Variants in AMPH observed in about 807,000 individuals in gnomAD.
AMPH encodes amphiphysin.
A neutral mutation model predicts 99.1 loss-of-function variants in AMPH; 49 were observed. That is an observed-to-expected ratio of 0.49 (90% CI 0.39 to 0.63). The LOEUF (loss-of-function observed/expected upper bound fraction) is 0.63. Ranked by LOEUF, AMPH falls within the 20% of genes least tolerant of loss-of-function variation. The pLI, the probability that AMPH is intolerant of heterozygous loss-of-function variation, is 0.00. For missense variants in AMPH, 759 were observed against 863.4 expected, an observed-to-expected ratio of 0.88 and a Z score of 1.52; for synonymous variants, 314 against 317.3, an observed-to-expected ratio of 0.99 and a Z score of 0.11.
intron 5 of AMPH, among the ~76,000 whole-genome samples, chr7:38,478,704 G>C (rs1167316264): frequency 1.3e-5 from 2 of 152,104 alleles, no homozygotes; most frequent in Non-Finnish European, 2.9e-5. Context: ...AAAGTATCTA[G>C]TTTGAAAAAG....
chr7:38,623,601 AAT>A (rs2129071427), intron 1 of AMPH, among the ~76,000 whole-genome samples: 1 of 152,336 alleles, frequency 6.6e-6, no homozygotes, highest in African/African-American at 2.4e-5. Context: ...GAGAAACCCC[AAT>A]ATGTCTCAGA....
rs5883648 is a variant in AMPH at position 38,416,102 on chromosome 7, A to AATATATAT, written c.1398+1715_1398+1722dup. Among the ~76,000 whole-genome samples, 466 of 100,506 alleles carry AATATATAT rather than the reference A, an allele frequency of 4.6e-3. 32 individuals carry two copies. The highest frequency in any genetic ancestry group is 9.8e-3 in the African/African-American group (272 of 27,872). The allele number at this position is 100,506 out of a possible 152,430, so 65.9% of individuals were successfully genotyped here. On this transcript the variant is annotated intron_variant, in intron 17 of 20. Transcript: ENST00000356264. ...AGTTTAAACAATGATCAAACATATGAATATATATATATATATATATATATT... is the reference window on the plus strand; with the variant it reads ...AGTTTAAACAATGATCAAACATATGAATATATATATATATATATATATATATATATATT...
Position 38,391,841 on chromosome 7 carries a change from C to T in AMPH, c.1785G>A (p.Gln595=), listed in dbSNP as rs1459450099. Reference sequence around the variant, plus strand: ...CCATGGCTGGTGCAGAAGGCGTGGGCTGAGGGTCCTGGATAGGCTTCTGCT... The same window carrying T: ...CCATGGCTGGTGCAGAAGGCGTGGGTTGAGGGTCCTGGATAGGCTTCTGCT... The part of the protein sequence containing the change: ...ATEQKPIQDP[Q]PTPSAPAMGA... Residue 595 remains glutamine (Q), a synonymous_variant, in exon 19 of 21, where the codon CAG becomes CAA. Transcript: ENST00000356264. The T allele has an allele frequency of 1.9e-6, 3 of 1,613,240 alleles. No homozygotes were observed. The highest frequency in any genetic ancestry group is 1.7e-4 in the Middle Eastern group (1 of 5,878).
At chr7:38,603,452 C>T (rs908137804) in intron 1 of AMPH, among the ~76,000 whole-genome samples, 5 of 152,154 alleles carry the variant, frequency 3.3e-5, no homozygotes, top group African/African-American at 1.2e-4. Flanking sequence ...CATGAACCAG[C>T]TTTGAAATGC....
chr7:38,551,492 T>G (rs1157053567), intron 1 of AMPH, among the ~76,000 whole-genome samples: 1 of 152,188 alleles, frequency 6.6e-6, no homozygotes, highest in Admixed American at 6.5e-5. Flanking sequence ...CCTCCTCACC[T>G]CCTATTAGGA....
At chr7:38,514,728 C>G (rs947179663) in intron 2 of AMPH, among the ~76,000 whole-genome samples, 2 of 152,206 alleles carry the variant, frequency 1.3e-5, no homozygotes, top group African/African-American at 4.8e-5. Flanking sequence ...TGAGCAGATG[C>G]TGATGCCACG....
intron 1 of AMPH, among the ~76,000 whole-genome samples, chr7:38,614,880 G>T (rs778780166): frequency 3.9e-5 from 6 of 152,008 alleles, no homozygotes; most frequent in Non-Finnish European, 7.4e-5. Context: ...CCCACTTTAG[G>T]AAAGTCCAGT....
At chr7:38,390,318 T>C (rs1784452453) in intron 19 of AMPH, among the ~76,000 whole-genome samples, 1 of 152,202 alleles carries the variant, frequency 6.6e-6, no homozygotes, top group African/African-American at 2.4e-5. Flanking sequence ...TACTACTAAA[T>C]AAAACTCTGT....
chr7:38,487,619 A>G (rs1384908997), intron 5 of AMPH, among the ~76,000 whole-genome samples: 1 of 152,174 alleles, frequency 6.6e-6, no homozygotes, highest in East Asian at 1.9e-4. Flanking sequence ...ATGGGCAAAG[A>G]CTGCACGACT....
intron 17 of AMPH, among the ~76,000 whole-genome samples, chr7:38,407,285 A>G (rs917963413): frequency 7.5e-6 from 1 of 133,374 alleles, no homozygotes; most frequent in Non-Finnish European, 1.6e-5. Flanking sequence ...CTAGCTTTCT[A>G]TCTATATAGA....
chr7:38,581,245 AG>A (rs1234200303), intron 1 of AMPH, among the ~76,000 whole-genome samples: 1 of 152,192 alleles, frequency 6.6e-6, no homozygotes, highest in African/African-American at 2.4e-5. Context: ...AAAGCAGGAA[AG>A]GGGGGAAAGA....
intron 2 of AMPH, 32 bp from the exon 3 acceptor site, chr7:38,503,736 T>C: frequency 6.2e-7 from 1 of 1,601,072 alleles, no homozygotes; most frequent in Non-Finnish European, 8.6e-7. Flanking sequence ...GCTAAATATC[T>C]AGTCTATATT....
At chr7:38,576,352 A>T (rs1427385465) in intron 1 of AMPH, among the ~76,000 whole-genome samples, 4 of 152,250 alleles carry the variant, frequency 2.6e-5, no homozygotes, top group Non-Finnish European at 5.9e-5. Context: ...GGCAGAAGTA[A>T]TAATCCCTTC....
At chr7:38,556,859 G>C (rs1224152860) in intron 1 of AMPH, among the ~76,000 whole-genome samples, 2 of 152,194 alleles carry the variant, frequency 1.3e-5, no homozygotes, top group African/African-American at 2.4e-5. Context: ...GAGGGACGGA[G>C]GATGGCAAGA....
In AMPH at chr7:38,419,429, G is replaced by C. The variant is rs532976670; in HGVS notation, c.1273-1479C>G. Among the ~76,000 whole-genome samples the C allele has an allele frequency of 1.1e-4, 17 of 152,284 alleles. No homozygotes were observed. In the East Asian group the frequency reaches 3.3e-3, roughly 29 times the overall value. On this transcript the variant is annotated intron_variant, in intron 16 of 20. Transcript: ENST00000356264. ...AAATTCAAGGGACTGGTAGACAAGTGTGCAGACATTTGATTTTTATGGGCT... is the reference window on the plus strand; with the variant it reads ...AAATTCAAGGGACTGGTAGACAAGTCTGCAGACATTTGATTTTTATGGGCT...
intron 2 of AMPH, among the ~76,000 whole-genome samples, chr7:38,534,453 G>A (rs891066049): frequency 2.0e-5 from 3 of 151,992 alleles, no homozygotes; most frequent in East Asian, 1.9e-4. Flanking sequence ...TGGGTGGATC[G>A]CTCGAGTCCA....
Position 38,419,174 on chromosome 7 carries a change from A to G in AMPH, c.1273-1224T>C, listed in dbSNP as rs188395972. Among the ~76,000 whole-genome samples, 101 of 152,332 alleles carry G rather than the reference A, an allele frequency of 6.6e-4. 1 individual carries two copies. The East Asian group carries it at 0.019, about 28-fold the overall frequency. On this transcript the variant is annotated intron_variant, in intron 16 of 20. Coordinates refer to ENST00000356264, the MANE Select transcript of AMPH (RefSeq NM_001635.4). ...ATCAGTAACTTCTATCCAACTCACC[A>G]TAAGCAATCAAAACACACCTCTATT...
chr7:38,587,012 T>TAC (rs36077157), intron 1 of AMPH, among the ~76,000 whole-genome samples: 1,913 of 149,560 alleles, frequency 0.013, 25 homozygotes, highest in South Asian at 0.022. Flanking sequence ...ATTGTGTAAA[T>TAC]ACACACACAC....
intron 14 of AMPH, chr7:38,428,920 T>G: frequency 1.0e-6 from 1 of 987,502 alleles, no homozygotes; most frequent in Non-Finnish European, 1.4e-6. Context: ...ACTTCATTAA[T>G]TTTTAAGGTC....
Sources: allele counts gnomAD v4.1 joint callset (sites outside exome capture counted in the v4.1 genomes callset), GRCh38; gene constraint gnomAD v4.1.1; transcripts MANE v1.5; gene names NCBI Gene and HGNC (gene_info 2026-07-23, HGNC 2026-07-21).